The following CARMIL1 variants were observed in gnomAD, a reference collection of about 807,000 sequenced individuals.
CARMIL1 encodes F-actin-uncapping protein LRRC16A.
CARMIL1 carries 90 observed loss-of-function variants against 177.1 expected under a neutral mutation model. That is an observed-to-expected ratio of 0.51 (90% CI 0.43 to 0.61). The LOEUF is 0.61. Ranked by LOEUF, CARMIL1 falls within the 20% of genes least tolerant of loss-of-function variation. The pLI is 0.00. For synonymous variants in CARMIL1, 577 were observed against 606.2 expected (o/e 0.95, Z 0.71); for missense variants, 1,380 against 1,667.0 (o/e 0.83, Z 3.00).
At chr6:25,401,893 G>A (rs188629652) in intron 2 of CARMIL1, among the ~76,000 whole-genome samples, 129 of 152,242 alleles carry the variant, frequency 8.5e-4, no homozygotes, top group African/African-American at 3.0e-3. Flanking sequence ...ACAGAGGGCC[G>A]GAAGGACAGA....
chr6:25,560,036 C>T (rs214055), intron 29 of CARMIL1, among the ~76,000 whole-genome samples: 27,536 of 152,030 alleles, frequency 0.18, 2,640 homozygotes, highest in African/African-American at 0.19. Context: ...ATAATCCATA[C>T]GATTGATTTC....
intron 2 of CARMIL1, among the ~76,000 whole-genome samples, chr6:25,296,860 TTCC>T (rs1782399097): frequency 6.6e-6 from 1 of 152,194 alleles, no homozygotes; most frequent in Non-Finnish European, 1.5e-5. Context: ...ACTTAGAGTA[TTCC>T]AGCTCCTTTT....
At chr6:25,595,910 G>A (rs1814792775) in intron 32 of CARMIL1, among the ~76,000 whole-genome samples, 1 of 152,154 alleles carries the variant, frequency 6.6e-6, no homozygotes, top group Non-Finnish European at 1.5e-5. Flanking sequence ...GTCTAACGCA[G>A]CCCATAATAT....
chr6:25,429,919 C>T (rs1462489053), intron 4 of CARMIL1, among the ~76,000 whole-genome samples: 5 of 151,852 alleles, frequency 3.3e-5, no homozygotes, highest in Non-Finnish European at 5.9e-5. Context: ...AATCTTGGCT[C>T]ATTGCAACCT....
chr6:25,331,857 A>G (rs543442737), intron 2 of CARMIL1, among the ~76,000 whole-genome samples: 7 of 152,348 alleles, frequency 4.6e-5, no homozygotes, highest in Middle Eastern at 3.4e-3. Context: ...TTTGCAATTC[A>G]ATGCTTTCTT....
chr6:25,478,205 C>T (rs1159438194), intron 11 of CARMIL1, among the ~76,000 whole-genome samples: 2 of 152,020 alleles, frequency 1.3e-5, no homozygotes, highest in Non-Finnish European at 2.9e-5. Context: ...CTGATTTGAT[C>T]TTCTAAATAA....
chr6:25,566,551 C>T (rs1212106374), intron 29 of CARMIL1, among the ~76,000 whole-genome samples: 1 of 152,200 alleles, frequency 6.6e-6, no homozygotes, highest in African/African-American at 2.4e-5. Context: ...GCCAAAGAAG[C>T]CTTCCAGTCA....
chr6:25,340,781 T>TTTTTTTTTTG (rs1786831887), intron 2 of CARMIL1, among the ~76,000 whole-genome samples: 2 of 93,944 alleles, frequency 2.1e-5, no homozygotes, highest in Non-Finnish European at 4.3e-5. Context: ...ATGAAGGTTT[T>TTTTTTTTTTG]TTTTTTTTTT....
At chr6:25,288,902 T>C (rs930738462) in intron 2 of CARMIL1, among the ~76,000 whole-genome samples, 4 of 152,172 alleles carry the variant, frequency 2.6e-5, no homozygotes, top group Non-Finnish European at 5.9e-5. Flanking sequence ...TTTGGCAGAG[T>C]GTTAAAGATA....
chr6:25,607,940 A>G (rs1212734896), intron 35 of CARMIL1, among the ~76,000 whole-genome samples: 1 of 152,200 alleles, frequency 6.6e-6, no homozygotes, highest in Non-Finnish European at 1.5e-5. Context: ...CCCAAACCAA[A>G]GTTTATGATG....
chr6:25,441,756 G>C (rs1057248710), intron 5 of CARMIL1, among the ~76,000 whole-genome samples: 1 of 152,184 alleles, frequency 6.6e-6, no homozygotes, highest in Admixed American at 6.5e-5. Flanking sequence ...AACTAGGGAA[G>C]GGTTTAGAGC....
chr6:25,533,130 A>G (rs1388684145), intron 24 of CARMIL1, among the ~76,000 whole-genome samples: 5 of 152,092 alleles, frequency 3.3e-5, no homozygotes, highest in Admixed American at 3.3e-4. Flanking sequence ...TCATGTGCAC[A>G]TTTTACATTT....
intron 36 of CARMIL1, chr6:25,612,666 T>A: frequency 1.4e-6 from 1 of 737,584 alleles, no homozygotes; most frequent in Non-Finnish European, 1.7e-6. Context: ...TTAATATTTT[T>A]AAATATTAAT....
intron 23 of CARMIL1, among the ~76,000 whole-genome samples, chr6:25,526,097 C>A (rs540086224): frequency 5.3e-5 from 8 of 151,716 alleles, no homozygotes; most frequent in African/African-American, 1.7e-4. Flanking sequence ...ATCACAAGGT[C>A]AGGAGATCAA....
intron 2 of CARMIL1, among the ~76,000 whole-genome samples, chr6:25,351,964 T>C (rs1253628135): frequency 6.6e-6 from 1 of 152,148 alleles, no homozygotes; most frequent in Admixed American, 6.5e-5. Context: ...ACTGGGTCTA[T>C]CAGAAACCAT....
At chr6:25,418,205 C>T (rs1172622762) in intron 2 of CARMIL1, among the ~76,000 whole-genome samples, 1 of 152,128 alleles carries the variant, frequency 6.6e-6, no homozygotes, top group Non-Finnish European at 1.5e-5. Context: ...GCAGGATTCT[C>T]AGCCCTGAAA....
chr6:25,440,289 A>G (rs1303715131), intron 5 of CARMIL1, among the ~76,000 whole-genome samples: 1 of 152,188 alleles, frequency 6.6e-6, no homozygotes, highest in Non-Finnish European at 1.5e-5. Flanking sequence ...TGCAGAGGAG[A>G]TTTACTGCAA....
intron 2 of CARMIL1, among the ~76,000 whole-genome samples, chr6:25,373,967 A>C (rs977256994): frequency 6.6e-6 from 1 of 152,164 alleles, no homozygotes; most frequent in Admixed American, 6.5e-5. Flanking sequence ...ATCTTTTCAA[A>C]AAACCAAGCT....
At chr6:25,547,594 T>G (rs1237108682) in intron 26 of CARMIL1, among the ~76,000 whole-genome samples, 2 of 152,194 alleles carry the variant, frequency 1.3e-5, no homozygotes, top group African/African-American at 2.4e-5. Flanking sequence ...AATATGTTCC[T>G]TAGTGATTGT....
Sources: allele counts gnomAD v4.1 joint callset (sites outside exome capture counted in the v4.1 genomes callset), GRCh38; gene constraint gnomAD v4.1.1; transcripts MANE v1.5; gene names NCBI Gene and HGNC (gene_info 2026-07-23, HGNC 2026-07-21).